Variants in C8orf76 observed in about 807,000 individuals in gnomAD.
C8orf76 encodes uncharacterized protein C8orf76.
A neutral mutation model predicts 38.1 loss-of-function variants in C8orf76; 46 were observed. The ratio of observed to expected loss-of-function variants is 1.21; its 90% CI spans 0.95 to 1.54. The LOEUF (loss-of-function observed/expected upper bound fraction) is 1.54. Ranked by LOEUF, C8orf76 falls within the 40% of genes most tolerant of loss-of-function variation. The probability of loss-of-function intolerance (pLI) is 0.00; values close to 1 mark genes in which losing one functional copy is unlikely to be tolerated. For missense variants in C8orf76, 461 were observed against 441.6 expected (o/e 1.04, Z -0.39); for synonymous variants, 166 against 167.5 (o/e 0.99, Z 0.07).
At chr8:123,221,571 G>A (rs531772748) in intron 5 of C8orf76, among the ~76,000 whole-genome samples, 4 of 152,274 alleles carry the variant, frequency 2.6e-5, no homozygotes, top group African/African-American at 9.6e-5. Context: ...AAGTAGCTGG[G>A]ACTACAGGCA....
chr8:123,227,992 C>T (rs1442516941), intron 4 of C8orf76, among the ~76,000 whole-genome samples: 5 of 152,068 alleles, frequency 3.3e-5, no homozygotes, highest in Admixed American at 6.5e-5. Flanking sequence ...ACCCGCGACT[C>T]GGTACTTCAA....
At position 123,231,512 on chromosome 8, in the gene C8orf76, G is replaced by T. The variant is rs987716979; in HGVS notation, c.603C>A (p.Ile201=). Residue 201 remains isoleucine (I), a synonymous_variant, in exon 4 of 6, where the codon ATC becomes ATA. Transcript: ENST00000276704. ...QHSFTSSDKT[I]KSFFPHSGKD... is the part of the protein sequence containing the mutation. ...TTCCTGAGTGTGGAAAGAAGGATTT[G>T]ATAGTTTTGTCACTTGAGGTGAAAC... The T allele has an allele frequency of 1.9e-6, 3 of 1,614,242 alleles. No homozygotes were observed. The highest frequency in any genetic ancestry group is 1.1e-5 in the South Asian group (1 of 91,084).
intron 3 of C8orf76, among the ~76,000 whole-genome samples, chr8:123,232,226 T>C (rs962364258): frequency 6.6e-6 from 1 of 152,230 alleles, no homozygotes; most frequent in Non-Finnish European, 1.5e-5. Context: ...CCAAATTTTA[T>C]TTGGCTTAGA....
At position 123,239,250 on chromosome 8, in the gene C8orf76, T is replaced by TGA. The variant is rs1825598622; in HGVS notation, c.118-107_118-106insTC. 3.3e-6 allele frequency: 4 copies of TGA among 1,208,396 alleles called. No homozygotes were observed. In the Admixed American group the frequency reaches 8.4e-5, roughly 25 times the overall value. 74.9% of individuals were successfully genotyped at this position (1,208,396 alleles called of 1,614,324 possible). On this transcript the variant is annotated intron_variant, in intron 1 of 5. Transcript: ENST00000276704. ...ATTGATTAAACGTCAAAAAAAGACT[T>TGA]CTTCAAGAGTCTGGCCAGGTTAGTC...
chr8:123,235,084 G>A (rs1235232404), intron 3 of C8orf76, among the ~76,000 whole-genome samples: 4 of 152,190 alleles, frequency 2.6e-5, no homozygotes, highest in Non-Finnish European at 5.9e-5. Flanking sequence ...CAGGAAAATA[G>A]TAGGACTGAA....
rs34535722 is a variant in C8orf76 at position 123,239,062 on chromosome 8, C to T, written c.200G>A (p.Arg67Gln). ...GTTGAATTCTACCTGATACTCTTGT[C>T]GTCTGTAGGCCAGGTCTCCTTTGAA... Reference protein sequence around the residue: ...KKFKGDLAYRRQEYQKALQEY... With the variant: ...KKFKGDLAYRQQEYQKALQEY... Residue 67 changes from arginine to glutamine, a missense_variant, in exon 2 of 6, where the codon CGA (arginine) becomes CAA (glutamine). Arg to Gln is a conservative substitution (Grantham distance 43, BLOSUM62 1). Transcript: ENST00000276704. The T allele has an allele frequency of 1.4e-4, 234 of 1,614,072 alleles. 1 individual carries two copies. In the African/African-American group the frequency reaches 1.7e-3, roughly 11 times the overall value.
intron 3 of C8orf76, chr8:123,237,065 A>C: frequency 8.1e-7 from 1 of 1,235,200 alleles, no homozygotes; most frequent in Non-Finnish European, 1.2e-6. Context: ...AGGTGGCATT[A>C]CTGAGCCTTC....
chr8:123,228,327 A>T (rs908736165), intron 4 of C8orf76, among the ~76,000 whole-genome samples: 1 of 152,056 alleles, frequency 6.6e-6, no homozygotes, highest in African/African-American at 2.4e-5. Context: ...AGCTCTCTAA[A>T]TCACAGGTTT....
At chr8:123,229,680 T>G (rs1825172848) in intron 4 of C8orf76, among the ~76,000 whole-genome samples, 1 of 152,230 alleles carries the variant, frequency 6.6e-6, no homozygotes, top group Non-Finnish European at 1.5e-5. Context: ...TCTGAATTAG[T>G]GACATGGTCA....
At chr8:123,221,973 T>C (rs1309766489) in intron 5 of C8orf76, among the ~76,000 whole-genome samples, 2 of 152,110 alleles carry the variant, frequency 1.3e-5, no homozygotes, top group African/African-American at 4.8e-5. Flanking sequence ...ATAGTGTAAA[T>C]GGCATCTTAT....
At chr8:123,227,559 T>C (rs1825091173) in intron 4 of C8orf76, among the ~76,000 whole-genome samples, 1 of 152,172 alleles carries the variant, frequency 6.6e-6, no homozygotes, top group Non-Finnish European at 1.5e-5. Flanking sequence ...TTCCTTGAGA[T>C]ACCAGGCAAG....
rs1489692233 is a variant in C8orf76 at position 123,241,244 on chromosome 8, G to A, written c.103C>T (p.Leu35Phe). ...CAGCTTCTCACCTGCGGCTCGCAGA[G>A]CTTGGCGCAGTAGGACGCGGGCGGT... ...SGPPASYCAK[L>F]CEPQWFYEET... Residue 35 changes from leucine to phenylalanine, a missense_variant, in exon 1 of 6, where the codon CTC becomes TTC. Coordinates refer to ENST00000276704, the MANE Select transcript of C8orf76 (RefSeq NM_032847.3). 3.8e-6 allele frequency: 6 copies of A among 1,589,282 alleles called. No individual in the cohort carries two copies. The highest frequency in any genetic ancestry group is 1.4e-5 in the African/African-American group (1 of 72,048).
chr8:123,236,949 AC>A, intron 3 of C8orf76: 1 of 1,536,552 alleles, frequency 6.5e-7, no homozygotes, highest in Non-Finnish European at 9.0e-7. Flanking sequence ...ATCCCACCTG[AC>A]CAGCAGCGTC....
At chr8:123,232,590 C>T (rs1825311479) in intron 3 of C8orf76, among the ~76,000 whole-genome samples, 1 of 152,204 alleles carries the variant, frequency 6.6e-6, no homozygotes, top group African/African-American at 2.4e-5. Flanking sequence ...CACAGAACCA[C>T]ACTGAGCATG....
At chr8:123,233,249 C>T (rs1443115347) in intron 3 of C8orf76, among the ~76,000 whole-genome samples, 1 of 152,014 alleles carries the variant, frequency 6.6e-6, no homozygotes, top group Non-Finnish European at 1.5e-5. Flanking sequence ...GAACTCCTGA[C>T]CTCAAGTGAT....
At chr8:123,238,294 C>T (rs1402987120) in intron 2 of C8orf76, among the ~76,000 whole-genome samples, 2 of 152,202 alleles carry the variant, frequency 1.3e-5, no homozygotes, top group African/African-American at 4.8e-5. Flanking sequence ...CCTGCACACA[C>T]TCTCTTTGCC....
At chr8:123,227,459 A>G (rs529202080) in intron 4 of C8orf76, among the ~76,000 whole-genome samples, 1 of 152,116 alleles carries the variant, frequency 6.6e-6, no homozygotes, top group Non-Finnish European at 1.5e-5. Context: ...GCACATAAGT[A>G]TTTCAGGTAG....
rs531593139 is a variant in C8orf76, at chr8:123,223,651, A to G, written c.948+2849T>C. Reference sequence around the variant, plus strand: ...AAAAAGGAGACTTAAACATACTTATATGCTAATGTTCATAGCAGCATTATT... The same window carrying G: ...AAAAAGGAGACTTAAACATACTTATGTGCTAATGTTCATAGCAGCATTATT... On this transcript the variant is annotated intron_variant, in intron 5 of 5. Transcript: ENST00000276704. Among the ~76,000 whole-genome samples, 492 of 152,314 alleles carry G rather than the reference A, an allele frequency of 3.2e-3. 3 individuals carry two copies. Among genetic ancestry groups the G allele is most frequent in the Non-Finnish European group, 3.0e-3 (206 of 68,028 alleles).
intron 5 of C8orf76, among the ~76,000 whole-genome samples, chr8:123,223,300 CCCAA>C (rs1824936280): frequency 6.6e-6 from 1 of 152,120 alleles, no homozygotes; most frequent in Non-Finnish European, 1.5e-5. Flanking sequence ...TAGGTATATA[CCCAA>C]AAGAATTAAA....
Sources: allele counts gnomAD v4.1 joint callset (sites outside exome capture counted in the v4.1 genomes callset), GRCh38; gene constraint gnomAD v4.1.1; transcripts MANE v1.5; gene names NCBI Gene and HGNC (gene_info 2026-07-23, HGNC 2026-07-21).